The following SLITRK4 variants were observed in gnomAD, a reference collection of about 807,000 sequenced individuals.
SLITRK4 encodes SLIT and NTRK-like protein 4.
Under a neutral mutation model 34.7 loss-of-function variants are expected in SLITRK4, and 7 were observed. The observed-to-expected ratio is 0.20, with a 90% CI of 0.11 to 0.38. SLITRK4 has a LOEUF of 0.38. Ranked by LOEUF, SLITRK4 falls within the 10% of genes least tolerant of loss-of-function variation. The pLI is 1.00. For synonymous variants in SLITRK4, 237 were observed against 246.2 expected, an observed-to-expected ratio of 0.96 and a Z score of 0.35; for missense variants, 474 against 607.0, an observed-to-expected ratio of 0.78 and a Z score of 2.30.
At position 143,630,365 on chromosome X, in the gene SLITRK4, T is replaced by C. The variant is rs1930984696; in HGVS notation, c.744A>G (p.Leu248=). The C allele has an allele frequency of 8.3e-7, 1 of 1,209,663 alleles. No individual in the cohort carries two copies. Among genetic ancestry groups the C allele is most frequent in the Non-Finnish European group, 1.1e-6 (1 of 895,265 alleles). ...TGGTTTCTTTTAAAAGCCTTCCATA[T>C]AAGTCACTGGGAGTTTCACAGATAG... The part of the protein sequence containing the change: ...GEAICETPSD[L]YGRLLKETNK... The change falls in exon 2 of 2, where the codon TTA becomes TTG. Residue 248 remains leucine (L), a synonymous_variant. Transcript: ENST00000356928.
Position 143,629,426 on chromosome X carries a change from C to A in SLITRK4, c.1683G>T (p.Glu561Asp). 8.3e-7 allele frequency: 1 copy of A among 1,211,625 alleles called. No individual in the cohort carries two copies. Among genetic ancestry groups the A allele is most frequent in the South Asian group, 1.8e-5 (1 of 56,983 alleles). The part of the protein sequence containing the change: ...DGIVVKELKC[E>D]TPVQFANIEL... Reference sequence around the variant, plus strand: ...CAATGTTGGCAAACTGAACAGGCGTCTCACATTTCAGTTCTTTCACAACAA... The same window carrying A: ...CAATGTTGGCAAACTGAACAGGCGTATCACATTTCAGTTCTTTCACAACAA... The change falls in exon 2 of 2, where the codon GAG becomes GAT. Residue 561 changes from glutamate to aspartate, a missense_variant. Glu to Asp is a conservative substitution (Grantham distance 45). This residue lies in a region of SLITRK4 where 345 missense variants were observed against 406.5 expected (regional missense o/e 0.85). Transcript: ENST00000356928.
Position 143,627,880 on chromosome X carries a change from G to A in SLITRK4, c.*715C>T, listed in dbSNP as rs782127475. ...CATATTTCTTCAGATCATCACAAAT[G>A]CTATCTAACTCACGTTGATTTTTTC... On this transcript the variant is annotated 3_prime_UTR_variant, in exon 2 of 2. Coordinates refer to ENST00000356928, the MANE Select transcript of SLITRK4 (RefSeq NM_001184749.3). The A allele has an allele frequency of 5.5e-5, 8 of 144,485 alleles. No individual in the cohort carries two copies. Among genetic ancestry groups the A allele is most frequent in the Admixed American group, 8.9e-5 (1 of 11,271 alleles). 11.9% of individuals were successfully genotyped at this position (144,485 alleles called of 1,213,427 possible). A position where few individuals can be genotyped will look rare whatever the true frequency, so the allele number is the denominator to read the frequency against.
chrX:143,628,750 C>T lies in SLITRK4; in HGVS notation c.2359G>A (p.Asp787Asn). ...FEIRYPEKQPDKKSKKSLIGG... is the reference protein window; with the variant it reads ...FEIRYPEKQPNKKSKKSLIGG... ...ATCAGTGACTTCTTACTTTTTTTGT[C>T]TGGTTGTTTTTCTGGATAGCGGATC... Residue 787 changes from aspartate (D) to asparagine (N), a missense_variant, in exon 2 of 2, where the codon GAC becomes AAC. Physicochemically the swap from Asp to Asn is conservative, Grantham distance 23. Transcript: ENST00000356928. 8.3e-7 allele frequency: 1 copy of T among 1,210,840 alleles called. No individual in the cohort carries two copies. Among genetic ancestry groups the T allele is most frequent in the Non-Finnish European group, 1.1e-6 (1 of 895,367 alleles).
rs781953956 is a variant in SLITRK4 at position 143,630,556 on chromosome X, T to C, written c.553A>G (p.Ile185Val). 5.8e-6 allele frequency: 7 copies of C among 1,209,520 alleles called. No homozygotes were observed. The highest frequency in any genetic ancestry group is 6.7e-6 in the Non-Finnish European group (6 of 895,119). The change falls in exon 2 of 2, where the codon ATA becomes GTA. Residue 185 changes from isoleucine (I) to valine (V), a missense_variant. Around this residue, in one of 3 missense-constraint regions of SLITRK4, gnomAD observed 45 missense variants for 99.2 expected, o/e 0.45. Coordinates refer to ENST00000356928, the MANE Select transcript of SLITRK4 (RefSeq NM_001184749.3). ...FRFASLTHLD[I>V]RGNRIQKLPY... is the part of the protein sequence containing the mutation. ...AGCTTCTGGATTCTGTTCCCTCGTATATCCAGATGGGTCAAAGATGCGAAT... is the reference window on the plus strand; with the variant it reads ...AGCTTCTGGATTCTGTTCCCTCGTACATCCAGATGGGTCAAAGATGCGAAT...
chrX:143,625,379 T>G lies in SLITRK4; in HGVS notation c.*3216A>C, dbSNP rs1930753407. 2 of 111,676 alleles carry G rather than the reference T, an allele frequency of 1.8e-5. No homozygotes were observed. The highest frequency in any genetic ancestry group is 9.5e-5 in the Admixed American group (1 of 10,512). The allele number at this position is 111,676 out of a possible 1,213,427, so 9.2% of individuals were successfully genotyped here. ...TACTTTTAAAGAATTGAATCATCTT[T>G]ATTGATTTCATAAAAAAATAATTTA... On this transcript the variant is annotated 3_prime_UTR_variant, in exon 2 of 2. Coordinates refer to ENST00000356928, the MANE Select transcript of SLITRK4 (RefSeq NM_001184749.3).
At chrX:143,631,528 A>G (rs1210213816) in intron 1 of SLITRK4, among the ~76,000 whole-genome samples, 1 of 109,937 alleles carries the variant, frequency 9.1e-6, no homozygotes, top group Non-Finnish European at 1.9e-5. Flanking sequence ...GAGACCATCA[A>G]GTATGCCATC....
In SLITRK4 at chrX:143,628,372, T is replaced by C. The variant is rs1930884131; in HGVS notation, c.*223A>G. The C allele has an allele frequency of 2.8e-6, 1 of 363,413 alleles. No homozygotes were observed. The highest frequency in any genetic ancestry group is 2.7e-5 in the African/African-American group (1 of 37,698). The allele number at this position is 363,413 out of a possible 1,213,427, so 29.9% of individuals were successfully genotyped here. ...AAAGCATCCCTTTGGCAATAGAGTTTGCAGTATCCCCACAGGACTCCACAG... is the reference window on the plus strand; with the variant it reads ...AAAGCATCCCTTTGGCAATAGAGTTCGCAGTATCCCCACAGGACTCCACAG... On this transcript the variant is annotated 3_prime_UTR_variant, in exon 2 of 2. Transcript: ENST00000356928.
chrX:143,625,384 A>T lies in SLITRK4; in HGVS notation c.*3211T>A, dbSNP rs1302481278. The T allele has an allele frequency of 9.0e-6, 1 of 111,473 alleles. No individual in the cohort carries two copies. The highest frequency in any genetic ancestry group is 9.5e-5 in the Admixed American group (1 of 10,490). The allele number at this position is 111,473 out of a possible 1,213,427, so 9.2% of individuals were successfully genotyped here. A position where few individuals can be genotyped will look rare whatever the true frequency, so the allele number is the denominator to read the frequency against. On this transcript the variant is annotated 3_prime_UTR_variant, in exon 2 of 2. Coordinates refer to ENST00000356928, the MANE Select transcript of SLITRK4 (RefSeq NM_001184749.3). ...TTAAAGAATTGAATCATCTTTATTG[A>T]TTTCATAAAAAAATAATTTAAAACT...
In SLITRK4 at chrX:143,629,055, G is replaced by C. The variant is rs782329018; in HGVS notation, c.2054C>G (p.Ala685Gly). 5.0e-6 allele frequency: 6 copies of C among 1,210,320 alleles called. No individual in the cohort carries two copies. Among genetic ancestry groups the C allele is most frequent in the Non-Finnish European group, 6.7e-6 (6 of 895,347 alleles). Residue 685 changes from alanine (A) to glycine (G), a missense_variant, in exon 2 of 2, where the codon GCT becomes GGT. Physicochemically the swap from Ala to Gly is moderately conservative, Grantham distance 60. Transcript: ENST00000356928. ...CTGTTCTATAGTTTGTGGAATGAAA[G>C]CTTCTGTGCTCAGTCCATCTTTTTT... is the stretch of plus-strand genomic sequence containing the variant. ...TNKKDGLSTE[A>G]FIPQTIEQMS... is the part of the protein sequence containing the mutation.
intron 1 of SLITRK4, among the ~76,000 whole-genome samples, chrX:143,635,481 AACACACACACACACACACACAC>A (rs782006427): frequency 1.1e-4 from 6 of 55,240 alleles, no homozygotes; most frequent in African/African-American, 4.0e-4. Context: ...ATAACGAAGG[AACACACACACACACACACACAC>A]ACACACACAC....
chrX:143,630,853 C>A lies in SLITRK4; in HGVS notation c.256G>T (p.Val86Phe). ...PNTFLNFSHA[V>F]SLHLGNNKLQ... ...TTATTATTCCCCAGATGCAGGGAGA[C>A]TGCATGTGAAAAATTCAAGAATGTA... The change falls in exon 2 of 2, where the codon GTC (valine) becomes TTC (phenylalanine). Residue 86 changes from valine to phenylalanine, a missense_variant. Val to Phe is a conservative substitution (Grantham distance 50). Around this residue, in one of 3 missense-constraint regions of SLITRK4, gnomAD observed 84 missense variants for 101.3 expected, o/e 0.83. Transcript: ENST00000356928. The A allele has an allele frequency of 8.3e-7, 1 of 1,207,999 alleles. No individual in the cohort carries two copies. The highest frequency in any genetic ancestry group is 1.1e-6 in the Non-Finnish European group (1 of 894,448).
chrX:143,630,238 T>C lies in SLITRK4; in HGVS notation c.871A>G (p.Thr291Ala). The C allele has an allele frequency of 1.7e-6, 2 of 1,211,739 alleles. No homozygotes were observed. The highest frequency in any genetic ancestry group is 2.2e-6 in the Non-Finnish European group (2 of 895,528). The change falls in exon 2 of 2, where the codon ACT (threonine) becomes GCT (alanine). Residue 291 changes from threonine (T) to alanine (A), a missense_variant. By Grantham distance (58) the Thr-to-Ala change is moderately conservative. Transcript: ENST00000356928. ...ENGYTTPNGHTTQTSLHRLVT... is the reference protein window; with the variant it reads ...ENGYTTPNGHATQTSLHRLVT... ...AATCTGTGTAAAGATGTTTGGGTAG[T>C]GTGACCATTGGGAGTGGTGTAGCCA...
Position 143,635,873 on chromosome X carries a change from A to C in SLITRK4, c.-189T>G, listed in dbSNP as rs1363390325. 1 of 110,117 alleles carries C rather than the reference A, an allele frequency of 9.1e-6. No individual in the cohort carries two copies. Among genetic ancestry groups the C allele is most frequent in the Non-Finnish European group, 1.9e-5 (1 of 52,790 alleles). 9.1% of individuals were successfully genotyped at this position (110,117 alleles called of 1,213,427 possible). On this transcript the variant is annotated 5_prime_UTR_variant, in exon 1 of 2. Coordinates refer to ENST00000356928, the MANE Select transcript of SLITRK4 (RefSeq NM_001184749.3). Reference sequence around the variant, plus strand: ...GCACTCCCCCTACCTGTCTGCGCGTAAGGGGCCAGGGGCTTTAAGGCGAAA... The same window carrying C: ...GCACTCCCCCTACCTGTCTGCGCGTCAGGGGCCAGGGGCTTTAAGGCGAAA...
chrX:143,624,863 T>C lies in SLITRK4; in HGVS notation c.*3732A>G, dbSNP rs1222454727. 1 of 111,676 alleles carries C rather than the reference T, an allele frequency of 9.0e-6. No homozygotes were observed. Among genetic ancestry groups the C allele is most frequent in the Non-Finnish European group, 1.9e-5 (1 of 52,860 alleles). The allele number at this position is 111,676 out of a possible 1,213,427, so 9.2% of individuals were successfully genotyped here. Reference sequence around the variant, plus strand: ...TTTACAGCATTACTTGATTTTTCTCTTACAAATTAACCTAAAATACTGATA... The same window carrying C: ...TTTACAGCATTACTTGATTTTTCTCCTACAAATTAACCTAAAATACTGATA... On this transcript the variant is annotated 3_prime_UTR_variant, in exon 2 of 2. Coordinates refer to ENST00000356928, the MANE Select transcript of SLITRK4 (RefSeq NM_001184749.3).
intron 1 of SLITRK4, among the ~76,000 whole-genome samples, chrX:143,633,769 CG>C (rs1186791497): frequency 9.0e-6 from 1 of 111,648 alleles, no homozygotes; most frequent in Non-Finnish European, 1.9e-5. Flanking sequence ...CGGAGAGACC[CG>C]GCCATTGCCG....
In SLITRK4 at chrX:143,626,869, T is replaced by G. The variant is rs923199787; in HGVS notation, c.*1726A>C. ...ACACACACATATATATACACACGCA[T>G]ATATATATACACACACACATATATA... On this transcript the variant is annotated 3_prime_UTR_variant, in exon 2 of 2. Coordinates refer to ENST00000356928, the MANE Select transcript of SLITRK4 (RefSeq NM_001184749.3). The G allele has an allele frequency of 5.6e-5, 6 of 106,459 alleles. No homozygotes were observed. Among genetic ancestry groups the G allele is most frequent in the Non-Finnish European group, 1.2e-4 (6 of 51,867 alleles). The allele number at this position is 106,459 out of a possible 1,213,427, so 8.8% of individuals were successfully genotyped here.
At position 143,624,122 on chromosome X, in the gene SLITRK4, C is replaced by G. The variant is rs781903571; in HGVS notation, c.*4473G>C. The G allele has an allele frequency of 9.0e-6, 1 of 111,425 alleles. No homozygotes were observed. The highest frequency in any genetic ancestry group is 3.7e-4 in the South Asian group (1 of 2,695). The allele number at this position is 111,425 out of a possible 1,213,427, so 9.2% of individuals were successfully genotyped here. ...ACTTTTCTTACCATAAATATATGAACCTTAAACCCACTGTATTGGTCAATA... is the reference window on the plus strand; with the variant it reads ...ACTTTTCTTACCATAAATATATGAAGCTTAAACCCACTGTATTGGTCAATA... On this transcript the variant is annotated 3_prime_UTR_variant, in exon 2 of 2. Transcript: ENST00000356928.
chrX:143,635,161 C>G (rs1324295593), intron 1 of SLITRK4: 2 of 85,772 alleles, frequency 2.3e-5, no homozygotes, highest in Non-Finnish European at 4.6e-5. Context: ...CCACCCCCCC[C>G]CACCCCGCAC....
rs201782063 is a variant in SLITRK4 at position 143,626,835 on chromosome X, TATATATATACACACAC to T, written c.*1744_*1759del. ...GTATACACACACACATACATATATG[TATATATATACACACAC>T]ATATATATACACACGCATATATATA... On this transcript the variant is annotated 3_prime_UTR_variant, in exon 2 of 2. Coordinates refer to ENST00000356928, the MANE Select transcript of SLITRK4 (RefSeq NM_001184749.3). 4.8e-4 allele frequency: 51 copies of T among 107,174 alleles called. No homozygotes were observed. The East Asian group carries it at 0.014, about 30-fold the overall frequency. 8.8% of individuals were successfully genotyped at this position (107,174 alleles called of 1,213,427 possible).
Sources: gnomAD v4.1 joint callset for allele counts (sites outside exome capture counted in the v4.1 genomes callset) on GRCh38, gnomAD v4.1.1 for gene constraint, gnomAD v4.1.1 regional missense constraint, MANE v1.5 for transcripts, NCBI Gene and HGNC (gene_info 2026-07-23, HGNC 2026-07-21) for gene names.